SEMA3D: variants seen among roughly 807,000 people sequenced by gnomAD.
The protein encoded by SEMA3D is semaphorin 3D, also known as semaphorin-3D.
A neutral mutation model predicts 100.1 loss-of-function variants in SEMA3D; 84 were observed. That is an observed-to-expected ratio of 0.84 (90% confidence interval 0.70 to 1.01). SEMA3D has a LOEUF of 1.01. Among genes scored for constraint, SEMA3D ranks in the 50% least tolerant of loss-of-function variants. SEMA3D has a pLI of 0.00. For missense variants in SEMA3D, 875 were observed against 934.1 expected (o/e 0.94, Z 0.82); for synonymous variants, 312 against 320.7 (o/e 0.97, Z 0.29).
intron 3 of SEMA3D, among the ~76,000 whole-genome samples, chr7:85,110,068 C>A (rs1031846943): frequency 1.6e-4 from 25 of 152,006 alleles, no homozygotes; most frequent in African/African-American, 6.0e-4. Flanking sequence ...TCTCTTTTAC[C>A]CTGCTAGGAG....
At chr7:85,159,240 C>T (rs960047710) in intron 1 of SEMA3D, among the ~76,000 whole-genome samples, 2 of 152,002 alleles carry the variant, frequency 1.3e-5, no homozygotes, top group African/African-American at 4.8e-5. Flanking sequence ...AGTTTCCAGG[C>T]CATCATCTTC....
chr7:85,000,746 C>T (rs1347445344), intron 18 of SEMA3D, among the ~76,000 whole-genome samples: 1 of 152,170 alleles, frequency 6.6e-6, no homozygotes, highest in Non-Finnish European at 1.5e-5. Context: ...AAAGACAATT[C>T]TAACATTAAG....
chr7:85,033,894 A>ACACACACACAC, intron 12 of SEMA3D, among the ~76,000 whole-genome samples: 1 of 93,870 alleles, frequency 1.1e-5, no homozygotes, highest in Non-Finnish European at 2.1e-5. Context: ...CACACACACA[A>ACACACACACAC]TCTCCCAGGG....
intron 2 of SEMA3D, among the ~76,000 whole-genome samples, chr7:85,126,551 T>C (rs1789577447): frequency 6.6e-6 from 1 of 151,992 alleles, no homozygotes; most frequent in Admixed American, 6.6e-5. Flanking sequence ...TTTTACCCAA[T>C]TCAGAAAGCA....
At chr7:85,047,149 T>C (rs1445622718) in intron 9 of SEMA3D, among the ~76,000 whole-genome samples, 2 of 151,624 alleles carry the variant, frequency 1.3e-5, no homozygotes, top group African/African-American at 4.8e-5. Flanking sequence ...TTAAAATGAT[T>C]AATTAAAAAA....
At chr7:85,212,844 T>G in the SEMA3D span, among the ~76,000 whole-genome samples, 1 of 152,006 alleles carries the variant, frequency 6.6e-6, no homozygotes, top group Non-Finnish European at 1.5e-5. Context: ...TTATGCCAAA[T>G]GATTACATTT....
At chr7:85,108,424 T>A (rs975644239) in intron 3 of SEMA3D, among the ~76,000 whole-genome samples, 7 of 152,122 alleles carry the variant, frequency 4.6e-5, no homozygotes, top group Non-Finnish European at 8.8e-5. Flanking sequence ...GTTCCTTTTC[T>A]AATCTTCATA....
chr7:85,045,811 C>G (rs977574077), intron 9 of SEMA3D, among the ~76,000 whole-genome samples: 1 of 151,888 alleles, frequency 6.6e-6, no homozygotes, highest in African/African-American at 2.4e-5. Flanking sequence ...ATTTCCCCAT[C>G]TTTCTCATGG....
chr7:85,081,483 T>C (rs748410874), intron 5 of SEMA3D, 34 bp downstream of exon 5: 14 of 1,414,586 alleles, frequency 9.9e-6, no homozygotes, highest in Admixed American at 6.7e-5. Context: ...CAGTAGAAGT[T>C]TTACAAAGAT....
Position 85,037,480 on chromosome 7 carries a change from G to A in SEMA3D, c.1047-447C>T, listed in dbSNP as rs376762998. Among the ~76,000 whole-genome samples, 5 of 152,104 alleles carry A rather than the reference G, an allele frequency of 3.3e-5. No homozygotes were observed. The East Asian group carries it at 5.8e-4, about 18-fold the overall frequency. On this transcript the variant is annotated intron_variant, in intron 11 of 18. Transcript: ENST00000284136. ...TCCAAAGGCTTACAAAATAAAAAGT[G>A]ACATTATTTACTTATTAAAAAGAAT...
chr7:85,094,354 G>T (rs1788485714), intron 4 of SEMA3D, among the ~76,000 whole-genome samples: 1 of 151,938 alleles, frequency 6.6e-6, no homozygotes, highest in Non-Finnish European at 1.5e-5. Context: ...TTACCGTTGT[G>T]GTGAACAGAT....
chr7:85,028,964 C>A (rs745455110), intron 12 of SEMA3D: 1 of 310,954 alleles, frequency 3.2e-6, no homozygotes. Flanking sequence ...AGGCAGCCGT[C>A]CTATCTAGAG....
chr7:85,231,337 T>G, the SEMA3D span, among the ~76,000 whole-genome samples: 1 of 152,196 alleles, frequency 6.6e-6, no homozygotes, highest in South Asian at 2.1e-4. Context: ...ATTCTTTATT[T>G]TTTTAAACTG....
the SEMA3D span, among the ~76,000 whole-genome samples, chr7:85,200,881 G>A: frequency 6.6e-6 from 1 of 152,184 alleles, no homozygotes; most frequent in South Asian, 2.1e-4. Context: ...TTCAGCTGTG[G>A]CTGAAAGGGG....
intron 12 of SEMA3D, among the ~76,000 whole-genome samples, chr7:85,034,766 C>T (rs1009030297): frequency 6.6e-6 from 1 of 152,048 alleles, no homozygotes; most frequent in Non-Finnish European, 1.5e-5. Flanking sequence ...AATCAGGTAT[C>T]ACTCCACATC....
At chr7:85,167,539 A>G (rs1316257923) in intron 1 of SEMA3D, 1 of 229,994 alleles carries the variant, frequency 4.3e-6, no homozygotes, top group African/African-American at 2.3e-5. Flanking sequence ...TAAATACACG[A>G]AATATCTTCA....
intron 1 of SEMA3D, chr7:85,167,112 T>C (rs1018425072): frequency 6.9e-5 from 14 of 201,568 alleles, no homozygotes; most frequent in Non-Finnish European, 9.7e-5. Flanking sequence ...TAGACACAGG[T>C]AAACTGAGAC....
rs1238335431 is a variant in SEMA3D, at chr7:85,177,542, AAT to A, written c.-173+9134_-173+9135del. Reference sequence around the variant, plus strand: ...TCTGGCACTGATGTTGTGTCTTGTCAATATCATTAAAATAGCAAAGACAGATG... The same window carrying A: ...TCTGGCACTGATGTTGTGTCTTGTCAATCATTAAAATAGCAAAGACAGATG... On this transcript the variant is annotated intron_variant, in intron 1 of 18. Transcript: ENST00000284136. 2.0e-5 allele frequency among the ~76,000 whole-genome samples: 3 copies of A among 152,176 alleles called. No homozygotes were observed. The South Asian group carries it at 6.2e-4, about 32-fold the overall frequency.
At chr7:85,098,415 T>C (rs1483252629) in intron 3 of SEMA3D, among the ~76,000 whole-genome samples, 1 of 151,892 alleles carries the variant, frequency 6.6e-6, no homozygotes, top group Non-Finnish European at 1.5e-5. Flanking sequence ...CATCTATATA[T>C]ATTAATATTT....
Sources: allele counts gnomAD v4.1 joint callset (sites outside exome capture counted in the v4.1 genomes callset), GRCh38; gene constraint gnomAD v4.1.1; transcripts MANE v1.5; gene names NCBI Gene and HGNC (gene_info 2026-07-23, HGNC 2026-07-21).